Variants in TPD52 observed in about 807,000 individuals in gnomAD.
TPD52 encodes the protein tumor protein D52.
In TPD52, 17 loss-of-function variants were observed where a neutral mutation model predicts 31.3. The observed-to-expected ratio is 0.54, with a 90% CI of 0.37 to 0.82. TPD52 has a LOEUF of 0.82. Among genes scored for constraint, TPD52 ranks in the 40% least tolerant of loss-of-function variants. TPD52 has a pLI of 0.00. For synonymous variants in TPD52, 83 were observed against 89.6 expected (o/e 0.93, Z 0.42); for missense variants, 212 against 240.1 (o/e 0.88, Z 0.77).
At chr8:80,090,350 C>T (rs112861101) in intron 1 of TPD52, among the ~76,000 whole-genome samples, 4,021 of 152,120 alleles carry the variant, frequency 0.026, 67 homozygotes, top group Middle Eastern at 0.044. Context: ...GAGTGAGCTA[C>T]GATGGTGCCA....
chr8:80,168,260 T>A (rs1037418550), intron 1 of TPD52, among the ~76,000 whole-genome samples: 1 of 152,216 alleles, frequency 6.6e-6, no homozygotes, highest in Non-Finnish European at 1.5e-5. Context: ...GTGTTTATTT[T>A]AAAAATTTAC....
At chr8:80,080,559 AATC>A (rs1815160039) in intron 1 of TPD52, 7 of 1,476,152 alleles carry the variant, frequency 4.7e-6, no homozygotes, top group Middle Eastern at 3.7e-4. Flanking sequence ...TCACTGAAGA[AATC>A]AACCCCAGGA....
chr8:80,046,066 T>C (rs1810812791), intron 5 of TPD52, among the ~76,000 whole-genome samples: 1 of 152,166 alleles, frequency 6.6e-6, no homozygotes, highest in African/African-American at 2.4e-5. Context: ...CCATGTACAA[T>C]ATCACTTCCT....
chr8:80,171,217 G>A, intron 1 of TPD52: 1 of 710,696 alleles, frequency 1.4e-6, no homozygotes, highest in Non-Finnish European at 2.5e-6. Flanking sequence ...ACTCACACAT[G>A]CAGTCCCATC....
At chr8:80,081,674 T>C (rs930682932) in intron 1 of TPD52, among the ~76,000 whole-genome samples, 44 of 149,090 alleles carry the variant, frequency 3.0e-4, no homozygotes, top group Non-Finnish European at 4.0e-4. Flanking sequence ...GTCTAGTGTA[T>C]AAAATACATA....
intron 7 of TPD52, 126 bp downstream of exon 7, chr8:80,042,494 G>A (rs1445760686): frequency 3.4e-6 from 5 of 1,464,370 alleles, no homozygotes; most frequent in East Asian, 2.4e-5. Flanking sequence ...AACATAAGGA[G>A]TAAAGTTATT....
chr8:80,121,885 C>G (rs764445529), intron 1 of TPD52, among the ~76,000 whole-genome samples: 8 of 151,976 alleles, frequency 5.3e-5, no homozygotes, highest in Non-Finnish European at 1.2e-4. Context: ...GTTCCTACAG[C>G]TAGTAGTAAT....
At chr8:80,031,148 C>G (rs1021685142), downstream of TPD52, among the ~76,000 whole-genome samples, 4 of 145,830 alleles carry the variant, frequency 2.7e-5, no homozygotes, top group African/African-American at 1.1e-4. Context: ...TATTAATCCA[C>G]AGTTAGTTTT....
At chr8:80,135,744 A>T (rs1809344211) in intron 1 of TPD52, among the ~76,000 whole-genome samples, 1 of 148,814 alleles carries the variant, frequency 6.7e-6, no homozygotes, top group African/African-American at 2.5e-5. Context: ...AATGTCCAAC[A>T]ATGATAGACT....
At chr8:80,137,962 G>A (rs1379109572) in intron 1 of TPD52, among the ~76,000 whole-genome samples, 1 of 149,780 alleles carries the variant, frequency 6.7e-6, no homozygotes, top group African/African-American at 2.5e-5. Context: ...TCTTTTTTTT[G>A]AGACAGAGTT....
In TPD52 at chr8:80,055,555, G is replaced by A. The variant is rs988095277; in HGVS notation, c.136-2125C>T. Reference sequence around the variant, plus strand: ...AACACAGGCAACAAAAACAAAAATAGACAAATGGGACTAAATTCAAGGAAA... The same window carrying A: ...AACACAGGCAACAAAAACAAAAATAAACAAATGGGACTAAATTCAAGGAAA... On this transcript the variant is annotated intron_variant, in intron 2 of 7. Coordinates refer to ENST00000518937, the MANE Select transcript of TPD52 (RefSeq NM_001025253.3). Among the ~76,000 whole-genome samples, 7 of 152,096 alleles carry A rather than the reference G, an allele frequency of 4.6e-5. No individual in the cohort carries two copies. The East Asian group carries it at 9.6e-4, about 21-fold the overall frequency.
At chr8:80,149,299 C>A (rs1000821246) in intron 1 of TPD52, among the ~76,000 whole-genome samples, 11 of 152,202 alleles carry the variant, frequency 7.2e-5, no homozygotes, top group Non-Finnish European at 1.3e-4. Flanking sequence ...CGTTCCCCTG[C>A]ACACGCTCTC....
In TPD52 at chr8:80,126,084, T is replaced by C. The variant is rs565016910; in HGVS notation, c.19+45341A>G. On this transcript the variant is annotated intron_variant, in intron 1 of 7. Transcript: ENST00000518937. Reference sequence around the variant, plus strand: ...GTATAAATGTCCACACTCAGATTTATGGAGTCTGTAAAATTCACCTGCATA... The same window carrying C: ...GTATAAATGTCCACACTCAGATTTACGGAGTCTGTAAAATTCACCTGCATA... Among the ~76,000 whole-genome samples, 45 of 152,362 alleles carry C rather than the reference T, an allele frequency of 3.0e-4. No homozygotes were observed. The South Asian group carries it at 7.7e-3, about 26-fold the overall frequency.
intron 1 of TPD52, among the ~76,000 whole-genome samples, chr8:80,074,828 G>A (rs1814329549): frequency 6.6e-6 from 1 of 152,120 alleles, no homozygotes; most frequent in Admixed American, 6.6e-5. Flanking sequence ...GTGTGCCCAT[G>A]GCAAGAACAG....
chr8:80,110,732 T>G (rs1807444070), intron 1 of TPD52, among the ~76,000 whole-genome samples: 1 of 152,078 alleles, frequency 6.6e-6, no homozygotes, highest in East Asian at 1.9e-4. Flanking sequence ...AACCAGAAAC[T>G]GCACCAATCA....
chr8:80,126,953 T>G (rs1002668186), intron 1 of TPD52, among the ~76,000 whole-genome samples: 3 of 151,894 alleles, frequency 2.0e-5, no homozygotes, highest in African/African-American at 7.3e-5. Context: ...ACAAAAAAAT[T>G]TTTTAAACAG....
At chr8:80,121,419 C>T (rs1336309389) in intron 1 of TPD52, among the ~76,000 whole-genome samples, 1 of 152,112 alleles carries the variant, frequency 6.6e-6, no homozygotes, top group Non-Finnish European at 1.5e-5. Flanking sequence ...GCCATGGAGA[C>T]AGAATTTTCA....
Position 80,153,721 on chromosome 8 carries a change from T to G in TPD52, c.19+17704A>C, listed in dbSNP as rs908853464. On this transcript the variant is annotated intron_variant, in intron 1 of 7. Transcript: ENST00000518937. ...AGTAAAATATTGGTGATAAACTCTA[T>G]GATCTTGGGGAGGTCCTTAATCTCC... Among the ~76,000 whole-genome samples the G allele has an allele frequency of 2.6e-4, 39 of 152,316 alleles. 1 individual carries two copies. The highest frequency in any genetic ancestry group is 9.1e-4 in the African/African-American group (38 of 41,576).
intron 4 of TPD52, 65 bp downstream of exon 4, chr8:80,051,462 T>C: frequency 6.7e-7 from 1 of 1,481,910 alleles, no homozygotes; most frequent in South Asian, 1.1e-5. Context: ...AGGAAACAGA[T>C]GCAACAACAA....
Sources: allele counts gnomAD v4.1 joint callset (sites outside exome capture counted in the v4.1 genomes callset), GRCh38; gene constraint gnomAD v4.1.1; transcripts MANE v1.5; gene names NCBI Gene and HGNC (gene_info 2026-07-23, HGNC 2026-07-21).